The following SPATA21 variants were observed in gnomAD, a reference collection of about 807,000 sequenced individuals.
SPATA21 encodes spermatogenesis-associated protein 21.
SPATA21 carries 47 observed loss-of-function variants against 54.8 expected under a neutral mutation model. That is an observed-to-expected ratio of 0.86 (90% CI 0.68 to 1.09). The LOEUF (loss-of-function observed/expected upper bound fraction) is 1.09. Among genes scored for constraint, SPATA21 ranks in the 50% least tolerant of loss-of-function variants. SPATA21 has a pLI of 0.00. For missense variants in SPATA21, 599 were observed against 596.4 expected, an observed-to-expected ratio of 1.00 and a Z score of -0.05; for synonymous variants, 245 against 235.3, an observed-to-expected ratio of 1.04 and a Z score of -0.38.
intron 5 of SPATA21, among the ~76,000 whole-genome samples, chr1:16,413,642 T>C (rs1458676420): frequency 6.6e-6 from 1 of 152,090 alleles, no homozygotes; most frequent in Non-Finnish European, 1.5e-5. Context: ...AGACAGAGTT[T>C]CACTCTTGTT....
At position 16,403,949 on chromosome 1, in the gene SPATA21, T is replaced by C. The variant is rs1200838688; in HGVS notation, c.883+19A>G. On this transcript the variant is annotated intron_variant, in intron 9 of 12. Coordinates refer to ENST00000335496, the MANE Select transcript of SPATA21 (RefSeq NM_198546.1). Reference sequence around the variant, plus strand: ...GCCCCTCCTCCAGTTCTGACTACGCTGGGCTCATCCCTGCTCACCCACAGA... The same window carrying C: ...GCCCCTCCTCCAGTTCTGACTACGCCGGGCTCATCCCTGCTCACCCACAGA... The C allele has an allele frequency of 1.9e-6, 3 of 1,605,226 alleles. No individual in the cohort carries two copies. In the East Asian group the frequency reaches 6.7e-5, roughly 36 times the overall value.
chr1:16,421,465 T>C lies in SPATA21; in HGVS notation c.144+44A>G. The C allele has an allele frequency of 6.4e-7, 1 of 1,573,172 alleles. No individual in the cohort carries two copies. Among genetic ancestry groups the C allele is most frequent in the Non-Finnish European group, 8.6e-7 (1 of 1,158,530 alleles). On this transcript the variant is annotated intron_variant, in intron 5 of 12. Transcript: ENST00000335496. The surrounding 1 kb of genome is among the most constrained non-coding windows in gnomAD (Gnocchi z 5.2). ...TCCTCCTCCTGATCCCCCCTGCCTT[T>C]CTCCTACACAGCTCGTCCCCGTTCC... is the stretch of plus-strand genomic sequence containing the variant.
rs2086295183 is a variant in SPATA21 at position 16,425,497 on chromosome 1, C to T, written c.35-3526G>A. The T allele has an allele frequency of 8.4e-6, 13 of 1,546,594 alleles. 1 individual carries two copies. The highest frequency in any genetic ancestry group is 2.0e-5 in the Admixed American group (1 of 50,944). ...CTCCTCTGTGGTAGGTCATTCCATA[C>T]CCTTCTCCCCAGATCTCCTAGGTTA... On this transcript the variant is annotated intron_variant, in intron 3 of 12. Coordinates refer to ENST00000335496, the MANE Select transcript of SPATA21 (RefSeq NM_198546.1).
At chr1:16,418,229 AAC>A (rs1290188648) in intron 5 of SPATA21, among the ~76,000 whole-genome samples, 1 of 152,224 alleles carries the variant, frequency 6.6e-6, no homozygotes, top group Non-Finnish European at 1.5e-5. Flanking sequence ...AAAAGGCAGA[AAC>A]ACACAGGCAA....
chr1:16,412,699 G>A (rs1261462394), intron 5 of SPATA21, among the ~76,000 whole-genome samples: 1 of 152,160 alleles, frequency 6.6e-6, no homozygotes, highest in South Asian at 2.1e-4. Flanking sequence ...CTGACCTCAG[G>A]TGATCTGCCT....
chr1:16,402,179 C>T (rs1000660260), intron 10 of SPATA21, among the ~76,000 whole-genome samples: 4 of 150,906 alleles, frequency 2.7e-5, no homozygotes, highest in Admixed American at 6.6e-5. Flanking sequence ...GTGGGGCACC[C>T]TTGCCAAAGG....
At chr1:16,419,574 T>C (rs1228847730) in intron 5 of SPATA21, among the ~76,000 whole-genome samples, 2 of 152,116 alleles carry the variant, frequency 1.3e-5, no homozygotes, top group Non-Finnish European at 2.9e-5. Context: ...GCTGTGGTCA[T>C]GTTTGAGAAG....
intron 7 of SPATA21, among the ~76,000 whole-genome samples, chr1:16,406,407 T>C (rs2085642392): frequency 6.6e-6 from 1 of 152,184 alleles, no homozygotes; most frequent in African/African-American, 2.4e-5. Context: ...AAGAGGCCTT[T>C]AGGGTGGGCC....
At chr1:16,425,660 A>T in intron 3 of SPATA21, 1 of 1,550,332 alleles carries the variant, frequency 6.5e-7, no homozygotes, top group South Asian at 1.2e-5. Context: ...CAGCAACCCC[A>T]GCTCACTCTG....
At chr1:16,423,724 A>G (rs187989350) in intron 3 of SPATA21, among the ~76,000 whole-genome samples, 45 of 151,550 alleles carry the variant, frequency 3.0e-4, no homozygotes, top group African/African-American at 1.0e-3. Context: ...TTATATTTTT[A>G]GTAGAGACGG....
intron 5 of SPATA21, among the ~76,000 whole-genome samples, chr1:16,413,000 C>T (rs182016684): frequency 6.6e-6 from 1 of 151,392 alleles, no homozygotes; most frequent in Non-Finnish European, 1.5e-5. Context: ...GCCAGGATGG[C>T]CTGGATCTCC....
chr1:16,419,604 G>C (rs375247263), intron 5 of SPATA21, among the ~76,000 whole-genome samples: 1 of 152,188 alleles, frequency 6.6e-6, no homozygotes, highest in South Asian at 2.1e-4. Flanking sequence ...CAGCCAGAGG[G>C]AATTCAAGTA....
chr1:16,423,142 G>A (rs2100867021), intron 3 of SPATA21, among the ~76,000 whole-genome samples: 1 of 151,568 alleles, frequency 6.6e-6, no homozygotes, highest in Middle Eastern at 3.4e-3. Context: ...GGGCGACAGA[G>A]TGAGACTCTG....
At chr1:16,400,653 G>C (rs2085415161) in intron 11 of SPATA21, 67 bp downstream of exon 11, 3 of 1,528,772 alleles carry the variant, frequency 2.0e-6, no homozygotes, top group Non-Finnish European at 2.6e-6. Context: ...TCCAAGGAAA[G>C]GAGACCAGAT....
chr1:16,426,926 C>G (rs1353440744), intron 3 of SPATA21, among the ~76,000 whole-genome samples: 1 of 152,028 alleles, frequency 6.6e-6, no homozygotes, highest in Non-Finnish European at 1.5e-5. Context: ...TTTTCGCATG[C>G]TAAAAATCCT....
At position 16,421,402 on chromosome 1, in the gene SPATA21, A is replaced by G; in HGVS notation, c.144+107T>C. 1.7e-6 allele frequency: 2 copies of G among 1,144,144 alleles called. No homozygotes were observed. Among genetic ancestry groups the G allele is most frequent in the Non-Finnish European group, 1.2e-6 (1 of 808,142 alleles). The allele number at this position is 1,144,144 out of a possible 1,614,324, so 70.9% of individuals were successfully genotyped here. ...ACACACCTTCCTTGGTTTGACTCCA[A>G]ATAGGGGTTTGACGTGCCACATCCG... is the stretch of plus-strand genomic sequence containing the variant. On this transcript the variant is annotated intron_variant, in intron 5 of 12. Coordinates refer to ENST00000335496, the MANE Select transcript of SPATA21 (RefSeq NM_198546.1). This position sits in a 1 kb window ranked among gnomAD's most constrained non-coding sequence, Gnocchi z 5.2.
chr1:16,410,147 C>T (rs1278746235), intron 5 of SPATA21, 104 bp from the exon 6 acceptor site: 14 of 944,452 alleles, frequency 1.5e-5, no homozygotes, highest in Admixed American at 3.2e-5. Context: ...CTGCCCCTTA[C>T]TCTCTGAGCC....
At chr1:16,422,150 C>A in intron 3 of SPATA21, 179 bp from the exon 4 acceptor site, 1 of 1,463,040 alleles carries the variant, frequency 6.8e-7, no homozygotes, top group Non-Finnish European at 9.0e-7. Context: ...CTGCTGGCTG[C>A]ACCATGTCTG....
intron 12 of SPATA21, 80 bp from the exon 13 acceptor site, chr1:16,398,902 G>T: frequency 7.0e-7 from 1 of 1,433,030 alleles, no homozygotes. Flanking sequence ...ATCTGTGCGT[G>T]CCCAAGTGAG....
Sources: allele counts gnomAD v4.1 joint callset (sites outside exome capture counted in the v4.1 genomes callset), GRCh38; gene constraint gnomAD v4.1.1; non-coding constraint Gnocchi (gnomAD v3.1); transcripts MANE v1.5; gene names NCBI Gene and HGNC (gene_info 2026-07-23, HGNC 2026-07-21).